The following ENTHD1 variants were observed in gnomAD, a reference collection of about 807,000 sequenced individuals.
The protein encoded by ENTHD1 is ENTH domain-containing protein 1.
In ENTHD1, 23 loss-of-function variants were observed where a neutral mutation model predicts 39.1. The ratio of observed to expected loss-of-function variants is 0.59; its 90% CI spans 0.42 to 0.83. ENTHD1 has a LOEUF of 0.83. Ranked by LOEUF, ENTHD1 falls within the 40% of genes least tolerant of loss-of-function variation. The pLI, the probability that ENTHD1 is intolerant of heterozygous loss-of-function variation, is 0.00. For missense variants in ENTHD1, 624 were observed against 705.4 expected, an observed-to-expected ratio of 0.88 and a Z score of 1.31; for synonymous variants, 230 against 258.2, an observed-to-expected ratio of 0.89 and a Z score of 1.05.
Position 39,781,536 on chromosome 22 carries a change from A to G in ENTHD1, c.833-15927T>C, listed in dbSNP as rs377618511. On this transcript the variant is annotated intron_variant, in intron 5 of 6. Coordinates refer to ENST00000325157, the MANE Select transcript of ENTHD1 (RefSeq NM_152512.4). Reference sequence around the variant, plus strand: ...AGTGCTAAGAAGGAAGTCTATAGCAATAAATGCCTACATCAAAAAAGTAGG... The same window carrying G: ...AGTGCTAAGAAGGAAGTCTATAGCAGTAAATGCCTACATCAAAAAAGTAGG... 2.7e-4 allele frequency among the ~76,000 whole-genome samples: 41 copies of G among 152,294 alleles called. No individual in the cohort carries two copies. The East Asian group carries it at 4.2e-3, about 16-fold the overall frequency.
At chr22:39,767,646 A>C (rs1048267712) in intron 5 of ENTHD1, among the ~76,000 whole-genome samples, 4 of 151,990 alleles carry the variant, frequency 2.6e-5, no homozygotes, top group African/African-American at 9.7e-5. Flanking sequence ...TGAGAAAAAC[A>C]AGACAAAAAT....
chr22:39,885,969 A>T (rs2066375807), intron 2 of ENTHD1, among the ~76,000 whole-genome samples: 1 of 152,186 alleles, frequency 6.6e-6, no homozygotes, highest in Non-Finnish European at 1.5e-5. Flanking sequence ...TTACAATTCT[A>T]AAAAATTATA....
intron 6 of ENTHD1, among the ~76,000 whole-genome samples, chr22:39,756,757 C>T (rs148103586): frequency 6.6e-6 from 1 of 152,228 alleles, no homozygotes; most frequent in African/African-American, 2.4e-5. Context: ...AATCACCTTA[C>T]CTGATGTTCA....
chr22:39,783,436 T>C (rs768233645), intron 5 of ENTHD1, among the ~76,000 whole-genome samples: 2 of 152,072 alleles, frequency 1.3e-5, no homozygotes, highest in Non-Finnish European at 1.5e-5. Flanking sequence ...AGACACTGAA[T>C]AGCCAAAGAA....
At chr22:39,883,072 AT>A (rs2066352894) in intron 2 of ENTHD1, among the ~76,000 whole-genome samples, 1 of 151,780 alleles carries the variant, frequency 6.6e-6, no homozygotes. Flanking sequence ...AAAAGATAAT[AT>A]TTTCCCCTAA....
intron 1 of ENTHD1, among the ~76,000 whole-genome samples, chr22:39,890,122 A>G (rs2066414903): frequency 6.7e-6 from 1 of 149,996 alleles, no homozygotes; most frequent in Non-Finnish European, 1.5e-5. Flanking sequence ...AAATAAATAA[A>G]TAAATAAATA....
chr22:39,781,856 G>T (rs1405860889), intron 5 of ENTHD1, among the ~76,000 whole-genome samples: 1 of 152,022 alleles, frequency 6.6e-6, no homozygotes, highest in Admixed American at 6.6e-5. Context: ...GAAATACAAA[G>T]AATCATTAGA....
At position 39,861,952 on chromosome 22, in the gene ENTHD1, T is replaced by C. The variant is rs561880866; in HGVS notation, c.405A>G (p.Pro135=). 1.3e-5 allele frequency: 20 copies of C among 1,578,796 alleles called. 1 individual carries two copies. Among genetic ancestry groups the C allele is most frequent in the African/African-American group, 2.7e-5 (2 of 74,742 alleles). The change falls in exon 3 of 7, where the codon CCA becomes CCG. Residue 135 remains proline (P), a synonymous_variant. Transcript: ENST00000325157. ...CCACTTCCCTCTCTTTACACAGCAA[T>C]GGTTCATCCATCAGCAATGTGATGA... ...KQVITLLMDE[P]LLCKEREVAC...
intron 4 of ENTHD1, among the ~76,000 whole-genome samples, chr22:39,821,923 T>C (rs970560326): frequency 1.3e-5 from 2 of 152,186 alleles, no homozygotes; most frequent in African/African-American, 4.8e-5. Flanking sequence ...TATGACCTAG[T>C]CACCTCCCGA....
At chr22:39,744,885 A>G (rs905841321) in intron 6 of ENTHD1, among the ~76,000 whole-genome samples, 10 of 152,212 alleles carry the variant, frequency 6.6e-5, no homozygotes, top group Admixed American at 2.0e-4. Flanking sequence ...TAAGTGAAGT[A>G]AAAAGCATTC....
intron 5 of ENTHD1, among the ~76,000 whole-genome samples, chr22:39,794,013 G>A (rs1203340331): frequency 5.3e-5 from 8 of 152,142 alleles, no homozygotes; most frequent in Non-Finnish European, 1.2e-4. Context: ...CTGATATTTT[G>A]AGAGAGATTG....
chr22:39,765,117 CAAAA>C lies in ENTHD1; in HGVS notation c.1219+102_1219+105del, dbSNP rs905251542. The C allele has an allele frequency of 5.5e-5, 79 of 1,427,690 alleles. No homozygotes were observed. In the East Asian group the frequency reaches 1.9e-3, roughly 34 times the overall value. The allele number at this position is 1,427,690 out of a possible 1,614,324, so 88.4% of individuals were successfully genotyped here. On this transcript the variant is annotated intron_variant, in intron 6 of 6. Coordinates refer to ENST00000325157, the MANE Select transcript of ENTHD1 (RefSeq NM_152512.4). ...AATGATGAAGAGTGAAAGGAGGGAA[CAAAA>C]AAAGGAGACAGAAAGCAGAGAAAAG...
chr22:39,887,756 A>G lies in ENTHD1; in HGVS notation c.-8T>C. The G allele has an allele frequency of 6.5e-7, 1 of 1,537,020 alleles. No homozygotes were observed. Among genetic ancestry groups the G allele is most frequent in the Non-Finnish European group, 8.7e-7 (1 of 1,143,076 alleles). On this transcript the variant is annotated 5_prime_UTR_variant, in exon 2 of 7. Coordinates refer to ENST00000325157, the MANE Select transcript of ENTHD1 (RefSeq NM_152512.4). ...TTGTCTCCTGAACGCCATAAGTAAT[A>G]CAAGTTCCAAGGTGAGATGGAGGAT...
chr22:39,747,455 T>C (rs1265494304), intron 6 of ENTHD1, among the ~76,000 whole-genome samples: 1 of 152,218 alleles, frequency 6.6e-6, no homozygotes, highest in Non-Finnish European at 1.5e-5. Context: ...TCTGATGTCA[T>C]AGAATATGAT....
intron 5 of ENTHD1, among the ~76,000 whole-genome samples, chr22:39,791,124 T>A (rs953311793): frequency 6.6e-6 from 1 of 150,572 alleles, no homozygotes; most frequent in Non-Finnish European, 1.5e-5. Flanking sequence ...CCCATTTTAA[T>A]ATCCTAATAC....
intron 1 of ENTHD1, among the ~76,000 whole-genome samples, chr22:39,888,649 A>G (rs562155012): frequency 1.3e-5 from 2 of 152,194 alleles, no homozygotes; most frequent in East Asian, 3.9e-4. Flanking sequence ...GCTGGTCTCA[A>G]ACTCCTGACC....
intron 5 of ENTHD1, 149 bp from the exon 6 acceptor site, chr22:39,765,758 T>C (rs1378440199): frequency 2.4e-6 from 2 of 821,014 alleles, no homozygotes; most frequent in Admixed American, 3.1e-5. Flanking sequence ...TATGCTTCTA[T>C]ATTCTGCCTA....
At chr22:39,759,615 T>C (rs1445598845) in intron 6 of ENTHD1, among the ~76,000 whole-genome samples, 1 of 152,066 alleles carries the variant, frequency 6.6e-6, no homozygotes, top group Non-Finnish European at 1.5e-5. Context: ...TTACTGACTT[T>C]AGGTTTAATT....
chr22:39,788,642 G>A (rs1453032437), intron 5 of ENTHD1, among the ~76,000 whole-genome samples: 1 of 152,146 alleles, frequency 6.6e-6, no homozygotes, highest in Non-Finnish European at 1.5e-5. Context: ...TTTGAAAGAA[G>A]TTCTACTGTA....
Sources: allele counts gnomAD v4.1 joint callset (sites outside exome capture counted in the v4.1 genomes callset), GRCh38; gene constraint gnomAD v4.1.1; transcripts MANE v1.5; gene names NCBI Gene and HGNC (gene_info 2026-07-23, HGNC 2026-07-21).